Variants in SH3KBP1 observed in about 807,000 individuals in gnomAD.
The protein encoded by SH3KBP1 is SH3 domain containing kinase binding protein 1, also known as SH3 domain-containing kinase-binding protein 1.
SH3KBP1 carries 8 observed loss-of-function variants against 50.1 expected under a neutral mutation model. The observed-to-expected ratio is 0.16, with a 90% CI of 0.09 to 0.29. SH3KBP1 has a LOEUF of 0.29. Ranked by LOEUF, SH3KBP1 falls within the 10% of genes least tolerant of loss-of-function variation. The pLI, the probability that SH3KBP1 is intolerant of heterozygous loss-of-function variation, is 1.00. For synonymous variants in SH3KBP1, 227 were observed against 218.6 expected (o/e 1.04, Z -0.34); for missense variants, 377 against 535.2 (o/e 0.70, Z 2.92).
intron 2 of SH3KBP1, among the ~76,000 whole-genome samples, chrX:19,812,152 T>A (rs2067224467): frequency 9.0e-6 from 1 of 111,645 alleles, no homozygotes; most frequent in South Asian, 3.7e-4. Flanking sequence ...TTAGTCTTCA[T>A]GAGAAAATCC....
chrX:19,813,470 C>T (rs2067268150), intron 2 of SH3KBP1, among the ~76,000 whole-genome samples: 1 of 111,674 alleles, frequency 9.0e-6, no homozygotes, highest in Admixed American at 9.5e-5. Flanking sequence ...CATCACCTCA[C>T]AGAGTTCCCT....
intron 2 of SH3KBP1, among the ~76,000 whole-genome samples, chrX:19,822,951 T>C (rs1163865325): frequency 6.2e-5 from 7 of 112,469 alleles, no homozygotes; most frequent in Non-Finnish European, 1.3e-4. Context: ...TTAAAGTTTC[T>C]ATTGCTAAAC....
At chrX:19,885,515 T>C (rs989543072) in intron 1 of SH3KBP1, among the ~76,000 whole-genome samples, 1 of 111,928 alleles carries the variant, frequency 8.9e-6, no homozygotes, top group Non-Finnish European at 1.9e-5. Flanking sequence ...CACTCTATTT[T>C]TCGTAGGAAG....
In SH3KBP1 at chrX:19,742,368, T is replaced by A. The variant is rs1454654007; in HGVS notation, c.286+3950A>T. On this transcript the variant is annotated intron_variant, in intron 3 of 17. Transcript: ENST00000397821. Reference sequence around the variant, plus strand: ...CTCTCACCTCAGCCTTCCAGAGTGCTGGGATTACAGGAATGAGTCACTGTG... The same window carrying A: ...CTCTCACCTCAGCCTTCCAGAGTGCAGGGATTACAGGAATGAGTCACTGTG... 5.4e-5 allele frequency among the ~76,000 whole-genome samples: 6 copies of A among 111,476 alleles called. No individual in the cohort carries two copies. In the East Asian group the frequency reaches 1.7e-3, roughly 31 times the overall value.
intron 12 of SH3KBP1, chrX:19,588,298 A>G: frequency 9.6e-7 from 1 of 1,047,035 alleles, no homozygotes; most frequent in South Asian, 2.9e-5. Flanking sequence ...AGGGGGACAA[A>G]GAGGGACACG....
At chrX:19,772,483 GT>G (rs1338045472) in intron 2 of SH3KBP1, among the ~76,000 whole-genome samples, 2 of 108,680 alleles carry the variant, frequency 1.8e-5, no homozygotes, top group East Asian at 2.8e-4. Flanking sequence ...TTTGTTTTTT[GT>G]TTTTTTTTAG....
At chrX:19,787,198 A>G (rs907501555) in intron 2 of SH3KBP1, among the ~76,000 whole-genome samples, 1 of 111,510 alleles carries the variant, frequency 9.0e-6, no homozygotes, top group African/African-American at 3.3e-5. Context: ...TAATTTCTGT[A>G]CTACACCTTC....
chrX:19,710,602 T>A (rs1210243687), intron 3 of SH3KBP1, among the ~76,000 whole-genome samples: 2 of 111,727 alleles, frequency 1.8e-5, no homozygotes, highest in Non-Finnish European at 3.8e-5. Context: ...TTATTATTAG[T>A]GTTTTATTAT....
intron 1 of SH3KBP1, among the ~76,000 whole-genome samples, chrX:19,846,667 T>C (rs1295830783): frequency 8.9e-6 from 1 of 112,002 alleles, no homozygotes; most frequent in Non-Finnish European, 1.9e-5. Flanking sequence ...CAGTCAAGTG[T>C]CTGCTTATAC....
intron 13 of SH3KBP1, among the ~76,000 whole-genome samples, chrX:19,559,318 A>AT (rs1277678057): frequency 5.1e-4 from 50 of 97,993 alleles, no homozygotes; most frequent in Non-Finnish European, 6.4e-4. Context: ...AATGGAAACA[A>AT]TTTTTTTTTT....
At chrX:19,887,235 C>G in intron 1 of SH3KBP1, 72 bp downstream of exon 1, 1 of 918,744 alleles carries the variant, frequency 1.1e-6, no homozygotes, top group Non-Finnish European at 1.4e-6. Context: ...CTCCCGGGCT[C>G]CGCGGTTCTG....
At chrX:19,830,199 C>T (rs1187921224) in intron 2 of SH3KBP1, among the ~76,000 whole-genome samples, 1 of 110,901 alleles carries the variant, frequency 9.0e-6, no homozygotes, top group Admixed American at 9.7e-5. Flanking sequence ...TTTTACCTAA[C>T]CCCTATTCAA....
At chrX:19,581,059 C>G (rs1483598093) in intron 12 of SH3KBP1, among the ~76,000 whole-genome samples, 3 of 111,450 alleles carry the variant, frequency 2.7e-5, no homozygotes, top group Admixed American at 1.9e-4. Flanking sequence ...TCAAGTGATC[C>G]TCCCACCTCA....
At chrX:19,628,326 C>G (rs766905973) in intron 8 of SH3KBP1, among the ~76,000 whole-genome samples, 1 of 111,532 alleles carries the variant, frequency 9.0e-6, no homozygotes, top group Non-Finnish European at 1.9e-5. Flanking sequence ...GGTGACAATT[C>G]CTAGAATTAT....
chrX:19,759,304 C>T (rs1384191514), intron 2 of SH3KBP1, among the ~76,000 whole-genome samples: 2 of 111,464 alleles, frequency 1.8e-5, no homozygotes, highest in African/African-American at 6.5e-5. Context: ...CTCCCTAAGA[C>T]CGTTCTTGCT....
At chrX:19,669,599 C>T (rs4523461) in intron 6 of SH3KBP1, among the ~76,000 whole-genome samples, 2,522 of 111,493 alleles carry the variant, frequency 0.023, 86 homozygotes, top group African/African-American at 0.078. Flanking sequence ...GATTCACCAT[C>T]TTTATTTTGC....
chrX:19,718,139 T>TACACACACACACACAC (rs35514461), intron 3 of SH3KBP1, among the ~76,000 whole-genome samples: 2 of 91,098 alleles, frequency 2.2e-5, no homozygotes, highest in African/African-American at 8.0e-5. Flanking sequence ...ATTTTATAAA[T>TACACACACACACACAC]ACACACACAC....
chrX:19,639,870 A>T (rs1021107218), intron 7 of SH3KBP1, among the ~76,000 whole-genome samples: 1 of 107,275 alleles, frequency 9.3e-6, no homozygotes, highest in Admixed American at 9.9e-5. Flanking sequence ...GGTATATATT[A>T]TGAAGCTGAG....
At chrX:19,707,082 G>T (rs940826948) in intron 3 of SH3KBP1, 98 bp from the exon 4 acceptor site, 5 of 707,347 alleles carry the variant, frequency 7.1e-6, no homozygotes, top group South Asian at 2.1e-5. Flanking sequence ...AAGCTGACTT[G>T]TCTCAAATAT....
Sources: gnomAD v4.1 joint callset for allele counts (sites outside exome capture counted in the v4.1 genomes callset) on GRCh38, gnomAD v4.1.1 for gene constraint, MANE v1.5 for transcripts, NCBI Gene and HGNC (gene_info 2026-07-23, HGNC 2026-07-21) for gene names.